GFPT1: variants seen among roughly 807,000 people sequenced by gnomAD.
GFPT1 encodes the protein glutamine--fructose-6-phosphate aminotransferase [isomerizing] 1.
Under a neutral mutation model 92.0 loss-of-function variants are expected in GFPT1, and 40 were observed. The ratio of observed to expected loss-of-function variants is 0.43; its 90% CI spans 0.34 to 0.57. GFPT1 has a LOEUF of 0.57. GFPT1 is among the 20% of genes least tolerant of loss of function. The pLI is 0.02. For missense variants in GFPT1, 448 were observed against 869.1 expected, an observed-to-expected ratio of 0.52 and a Z score of 6.09; for synonymous variants, 269 against 280.6, an observed-to-expected ratio of 0.96 and a Z score of 0.41.
intron 13 of GFPT1, among the ~76,000 whole-genome samples, chr2:69,340,780 C>T (rs1367037033): frequency 6.6e-6 from 1 of 152,078 alleles, no homozygotes; most frequent in Non-Finnish European, 1.5e-5. Flanking sequence ...TTGGCATCCA[C>T]AAAACAACAA....
intron 9 of GFPT1, among the ~76,000 whole-genome samples, chr2:69,352,456 T>C (rs888015323): frequency 6.7e-5 from 10 of 149,180 alleles, no homozygotes; most frequent in South Asian, 2.1e-4. Flanking sequence ...CTACTAAAAA[T>C]AGAAAAATTT....
At chr2:69,364,193 C>T (rs1443928921) in intron 3 of GFPT1, among the ~76,000 whole-genome samples, 1 of 151,068 alleles carries the variant, frequency 6.6e-6, no homozygotes, top group Non-Finnish European at 1.5e-5. Context: ...GTTTACACAC[C>T]TACTATATAC....
intron 3 of GFPT1, 29 bp downstream of exon 3, chr2:69,369,972 G>A: frequency 3.3e-6 from 4 of 1,224,606 alleles, no homozygotes; most frequent in Non-Finnish European, 4.9e-6. Flanking sequence ...GAAGGGGAAA[G>A]GGGACAAAAA....
intron 13 of GFPT1, among the ~76,000 whole-genome samples, chr2:69,340,071 T>C (rs1670902998): frequency 6.7e-6 from 1 of 148,830 alleles, no homozygotes; most frequent in African/African-American, 2.4e-5. Context: ...TTAAAAGTAA[T>C]AAACCCCAAA....
intron 15 of GFPT1, 120 bp downstream of exon 15, chr2:69,337,778 A>T: frequency 1.2e-6 from 1 of 854,454 alleles, no homozygotes; most frequent in Non-Finnish European, 2.0e-6. Context: ...TGCTAACAAA[A>T]ATAAAATGTG....
chr2:69,355,572 T>C (rs1049480233), intron 7 of GFPT1, among the ~76,000 whole-genome samples: 1 of 152,210 alleles, frequency 6.6e-6, no homozygotes, highest in Non-Finnish European at 1.5e-5. Flanking sequence ...ATAGTTACTA[T>C]CCGGCCCACT....
chr2:69,332,550 T>C (rs963837876), intron 15 of GFPT1, among the ~76,000 whole-genome samples: 1 of 152,018 alleles, frequency 6.6e-6, no homozygotes, highest in South Asian at 2.1e-4. Context: ...ACTCCTGTCC[T>C]CAAGTGATCT....
intron 1 of GFPT1, among the ~76,000 whole-genome samples, chr2:69,379,955 G>A (rs1404323105): frequency 6.6e-6 from 1 of 151,928 alleles, no homozygotes; most frequent in African/African-American, 2.4e-5. Flanking sequence ...CTGGACTCAA[G>A]CGATCCTCTT....
intron 15 of GFPT1, among the ~76,000 whole-genome samples, chr2:69,335,276 G>A (rs1043312174): frequency 2.6e-5 from 4 of 152,106 alleles, no homozygotes; most frequent in Non-Finnish European, 4.4e-5. Flanking sequence ...CAAAGTGCCA[G>A]GATAACAGTT....
chr2:69,350,231 T>A, intron 9 of GFPT1, 48 bp from the exon 10 acceptor site: 1 of 1,187,084 alleles, frequency 8.4e-7, no homozygotes, highest in Non-Finnish European at 1.3e-6. Context: ...GAAAATCATG[T>A]CCAATGTAGA....
chr2:69,381,161 T>C (rs962314099), intron 1 of GFPT1, among the ~76,000 whole-genome samples: 2 of 152,148 alleles, frequency 1.3e-5, no homozygotes, highest in Non-Finnish European at 2.9e-5. Context: ...TTTTGTATTT[T>C]TAGCAGTGAC....
chr2:69,332,064 TA>T (rs1670676054), intron 15 of GFPT1, among the ~76,000 whole-genome samples: 1 of 152,152 alleles, frequency 6.6e-6, no homozygotes, highest in African/African-American at 2.4e-5. Flanking sequence ...TGTTCCTTTT[TA>T]TTTTTTTAAC....
At chr2:69,355,159 C>T (rs542793527) in intron 7 of GFPT1, among the ~76,000 whole-genome samples, 1 of 152,280 alleles carries the variant, frequency 6.6e-6, no homozygotes, top group South Asian at 2.1e-4. Flanking sequence ...CTCACTGCAG[C>T]CTTGACCTCC....
Position 69,324,674 on chromosome 2 carries a change from CAAGAAAAGA to C in GFPT1, c.*1506_*1514del, listed in dbSNP as rs955935279. On this transcript the variant is annotated 3_prime_UTR_variant, in exon 20 of 20. Transcript: ENST00000357308. ...TCTTAACCTCACCCAGAAGTTAAAA[CAAGAAAAGA>C]AAGAAAAGAAAGGAAAAAACAGCTT... The C allele has an allele frequency of 2.6e-5, 4 of 151,770 alleles. No homozygotes were observed. Among genetic ancestry groups the C allele is most frequent in the Non-Finnish European group, 4.4e-5 (3 of 67,898 alleles). 9.4% of individuals were successfully genotyped at this position (151,770 alleles called of 1,614,324 possible).
rs58791355 is a variant in GFPT1 at position 69,358,154 on chromosome 2, G to A, written c.543+175C>T. On this transcript the variant is annotated intron_variant, in intron 6 of 19. Transcript: ENST00000357308. ...GTAAGTAGAATTTTAAATGGAGGGT[G>A]GGGGGGAATCAATAAATCAATCAGT... 4.0e-5 allele frequency among the ~76,000 whole-genome samples: 6 copies of A among 149,906 alleles called. No individual in the cohort carries two copies. The East Asian group carries it at 9.6e-4, about 24-fold the overall frequency.
chr2:69,367,656 C>T (rs1671643141), intron 3 of GFPT1, among the ~76,000 whole-genome samples: 1 of 152,022 alleles, frequency 6.6e-6, no homozygotes, highest in Admixed American at 6.6e-5. Flanking sequence ...CCACCACGCC[C>T]GGCACACACA....
chr2:69,368,179 G>A (rs184453658), intron 3 of GFPT1, among the ~76,000 whole-genome samples: 67 of 152,330 alleles, frequency 4.4e-4, no homozygotes, highest in Non-Finnish European at 6.3e-4. Flanking sequence ...TCAGGAGATC[G>A]AGACTATCCT....
chr2:69,371,224 C>A (rs1671739437), intron 2 of GFPT1: 1 of 150,470 alleles, frequency 6.6e-6, no homozygotes, highest in Non-Finnish European at 1.5e-5. Flanking sequence ...CACAGGTGCA[C>A]ACCACAATGC....
chr2:69,358,251 T>C, intron 6 of GFPT1, 78 bp downstream of exon 6: 1 of 1,243,282 alleles, frequency 8.0e-7, no homozygotes. Context: ...GCACAGTTCC[T>C]GCTTATCAAA....
Sources: gnomAD v4.1 joint callset for allele counts (sites outside exome capture counted in the v4.1 genomes callset) on GRCh38, gnomAD v4.1.1 for gene constraint, MANE v1.5 for transcripts, NCBI Gene and HGNC (gene_info 2026-07-23, HGNC 2026-07-21) for gene names.